MSH4: variants seen among roughly 807,000 people sequenced by gnomAD.
MSH4 encodes mutS protein homolog 4.
A neutral mutation model predicts 113.7 loss-of-function variants in MSH4; 106 were observed. The ratio of observed to expected loss-of-function variants is 0.93; its 90% confidence interval spans 0.80 to 1.10. The LOEUF is 1.10. Among genes scored for constraint, MSH4 ranks in the 50% least tolerant of loss-of-function variants. The pLI, the probability that MSH4 is intolerant of heterozygous loss-of-function variation, is 0.00. For synonymous variants in MSH4, 368 were observed against 380.2 expected (o/e 0.97, Z 0.37); for missense variants, 1,061 against 1,093.7 (o/e 0.97, Z 0.42).
chr1:75,828,848 A>G lies in MSH4; in HGVS notation c.1162+6267A>G, dbSNP rs1292095417. 2.0e-5 allele frequency among the ~76,000 whole-genome samples: 3 copies of G among 152,138 alleles called. No individual in the cohort carries two copies. The East Asian group carries it at 5.8e-4, about 29-fold the overall frequency. On this transcript the variant is annotated intron_variant, in intron 7 of 19. Coordinates refer to ENST00000263187, the MANE Select transcript of MSH4 (RefSeq NM_002440.4). ...AGAGAGGAGGTTCCAAGATGGCCAA[A>G]TAGGAACAGCTCCAGTCTGCAGCTC...
chr1:75,910,723 A>C (rs138223109), intron 19 of MSH4, among the ~76,000 whole-genome samples: 144 of 152,032 alleles, frequency 9.5e-4, no homozygotes, highest in African/African-American at 3.2e-3. Context: ...GAATCTATAT[A>C]TTTTTCTCCA....
At chr1:75,885,053 G>GTATA (rs1440812710) in intron 15 of MSH4, among the ~76,000 whole-genome samples, 1,272 of 103,560 alleles carry the variant, frequency 0.012, 43 homozygotes, top group African/African-American at 0.047. Flanking sequence ...GTGTGTGTGT[G>GTATA]TGTGTGTATA....
intron 1 of MSH4, among the ~76,000 whole-genome samples, chr1:75,803,276 TATA>T (rs771837551): frequency 1.1e-4 from 16 of 152,194 alleles, no homozygotes; most frequent in Non-Finnish European, 1.6e-4. Flanking sequence ...TTAATTTTGT[TATA>T]ATCTGTTTAT....
chr1:75,823,801 T>C (rs959714285), intron 7 of MSH4, among the ~76,000 whole-genome samples: 2 of 152,198 alleles, frequency 1.3e-5, no homozygotes, highest in East Asian at 3.9e-4. Flanking sequence ...GCAGAGGTCA[T>C]GAACTCATTC....
chr1:75,888,586 A>T (rs1652179223), intron 15 of MSH4, among the ~76,000 whole-genome samples: 1 of 145,212 alleles, frequency 6.9e-6, no homozygotes. Context: ...CTTTATAGGC[A>T]TTTTCTTCAG....
chr1:75,888,790 A>G (rs1034268667), intron 15 of MSH4, among the ~76,000 whole-genome samples: 2 of 151,078 alleles, frequency 1.3e-5, no homozygotes, highest in African/African-American at 4.9e-5. Flanking sequence ...CAAGTAAGTT[A>G]TTTAAAATTT....
chr1:75,885,800 A>G (rs1380679790), intron 15 of MSH4, among the ~76,000 whole-genome samples: 2 of 119,226 alleles, frequency 1.7e-5, no homozygotes, highest in Non-Finnish European at 3.2e-5. Flanking sequence ...ATACTATATA[A>G]TGTATTACAT....
At chr1:75,853,139 A>T (rs1651226471) in intron 8 of MSH4, among the ~76,000 whole-genome samples, 2 of 151,946 alleles carry the variant, frequency 1.3e-5, no homozygotes, top group Admixed American at 1.3e-4. Flanking sequence ...ATCTCGGCTC[A>T]CTGCAACCTC....
At chr1:75,875,215 T>G (rs1057353137) in intron 9 of MSH4, among the ~76,000 whole-genome samples, 1 of 152,156 alleles carries the variant, frequency 6.6e-6, no homozygotes, top group Admixed American at 6.5e-5. Flanking sequence ...TTAACATCAA[T>G]AATGAGGCCC....
chr1:75,852,412 G>A (rs1337278373), intron 8 of MSH4, among the ~76,000 whole-genome samples: 7 of 152,250 alleles, frequency 4.6e-5, no homozygotes, highest in African/African-American at 1.7e-4. Flanking sequence ...TGGAATTGCT[G>A]GGTCATGTGA....
chr1:75,819,392 A>G (rs527621044), intron 6 of MSH4, among the ~76,000 whole-genome samples: 2 of 152,294 alleles, frequency 1.3e-5, no homozygotes, highest in South Asian at 4.1e-4. Context: ...CAGGAGGCTG[A>G]GGCATGAGAA....
At chr1:75,889,399 A>C (rs1224214606) in intron 16 of MSH4, 30 bp downstream of exon 16, 1 of 1,004,440 alleles carries the variant, frequency 1.0e-6, no homozygotes. Flanking sequence ...CTTATGTTAA[A>C]AACATTAAAT....
intron 6 of MSH4, 144 bp downstream of exon 6, chr1:75,816,690 G>A (rs1224746443): frequency 7.6e-6 from 3 of 392,518 alleles, no homozygotes; most frequent in Admixed American, 4.5e-5. Flanking sequence ...GCAGTGGTGC[G>A]ATCTCAGCTC....
chr1:75,879,260 C>A (rs1651880627), intron 12 of MSH4, 132 bp downstream of exon 12: 1 of 738,120 alleles, frequency 1.4e-6, no homozygotes, highest in Non-Finnish European at 2.2e-6. Context: ...CCTACCCACC[C>A]ACCTAACTAA....
chr1:75,898,432 T>C (rs1167617418), intron 18 of MSH4, among the ~76,000 whole-genome samples: 1 of 152,030 alleles, frequency 6.6e-6, no homozygotes, highest in East Asian at 1.9e-4. Flanking sequence ...AGTAGCAGGG[T>C]CCTTCCTCTG....
intron 5 of MSH4, 65 bp from the exon 6 acceptor site, chr1:75,816,308 T>G (rs1015939576): frequency 2.5e-5 from 27 of 1,089,302 alleles, no homozygotes; most frequent in Admixed American, 3.0e-5. Flanking sequence ...TAATTTTTCT[T>G]AAGGGGAAAT....
intron 9 of MSH4, among the ~76,000 whole-genome samples, chr1:75,872,941 A>G (rs1350314092): frequency 6.6e-6 from 1 of 152,234 alleles, no homozygotes; most frequent in Admixed American, 6.5e-5. Flanking sequence ...TCAGAAAGAC[A>G]CTGACTACAG....
At chr1:75,882,228 TATTAAGAG>T (rs1651949844) in intron 14 of MSH4, among the ~76,000 whole-genome samples, 1 of 152,164 alleles carries the variant, frequency 6.6e-6, no homozygotes, top group Admixed American at 6.5e-5. Context: ...GTTTTTAAAC[TATTAAGAG>T]ATTTAGTCTT....
chr1:75,806,235 G>GTTTTT (rs775023850), intron 2 of MSH4, among the ~76,000 whole-genome samples: 2 of 60,778 alleles, frequency 3.3e-5, no homozygotes, highest in Non-Finnish European at 5.5e-5. Flanking sequence ...TTTCTGTTTG[G>GTTTTT]TTTTTTTTTT....
Sources: gnomAD v4.1 joint callset for allele counts (sites outside exome capture counted in the v4.1 genomes callset) on GRCh38, gnomAD v4.1.1 for gene constraint, MANE v1.5 for transcripts, NCBI Gene and HGNC (gene_info 2026-07-23, HGNC 2026-07-21) for gene names.